Variants in BCL7C observed in about 807,000 individuals in gnomAD.
BCL7C encodes BAF chromatin remodeling complex subunit BCL7C, also known as B-cell CLL/lymphoma 7 protein family member C.
A neutral mutation model predicts 26.2 loss-of-function variants in BCL7C; 8 were observed. That is an observed-to-expected ratio of 0.30 (90% confidence interval 0.18 to 0.55). The LOEUF (loss-of-function observed/expected upper bound fraction) is 0.55. Among genes scored for constraint, BCL7C ranks in the 20% least tolerant of loss-of-function variants. The pLI is 0.93. For synonymous variants in BCL7C, 90 were observed against 116.5 expected (o/e 0.77, Z 1.47); for missense variants, 262 against 298.5 (o/e 0.88, Z 0.90).
chr16:30,893,293 G>C lies in BCL7C; in HGVS notation c.93-3C>G. The C allele has an allele frequency of 6.2e-7, 1 of 1,612,626 alleles. No homozygotes were observed. Among genetic ancestry groups the C allele is most frequent in the Non-Finnish European group, 8.5e-7 (1 of 1,179,098 alleles). On this transcript the variant is annotated splice_region_variant and splice_polypyrimidine_tract_variant and intron_variant, in intron 1 of 5. Transcript: ENST00000215115. This position sits in a 1 kb window ranked among gnomAD's most constrained non-coding sequence, Gnocchi z 5.2. ...CCACAGTCACCCATCGCTTCTCCCT[G>C]TGGGAGGGTGGGGGGCTGGGTCAGA...
At chr16:30,871,173 C>T (rs948103845) in intron 5 of BCL7C, among the ~76,000 whole-genome samples, 3 of 152,172 alleles carry the variant, frequency 2.0e-5, no homozygotes, top group Non-Finnish European at 4.4e-5. Flanking sequence ...GAATCCCCAA[C>T]TCTGCTTCCC....
At chr16:30,868,200 T>G (rs1490976086) in intron 5 of BCL7C, among the ~76,000 whole-genome samples, 1 of 147,604 alleles carries the variant, frequency 6.8e-6, no homozygotes, top group African/African-American at 2.5e-5. Context: ...CGATCTCAGC[T>G]CACTGCAACC....
In BCL7C at chr16:30,888,965, A is replaced by G. The variant is rs528386433; in HGVS notation, c.443-20T>C. 1.2e-6 allele frequency: 2 copies of G among 1,612,052 alleles called. No homozygotes were observed. The highest frequency in any genetic ancestry group is 2.2e-5 in the East Asian group (1 of 44,824). On this transcript the variant is annotated intron_variant, in intron 4 of 5. Coordinates refer to ENST00000215115, the MANE Select transcript of BCL7C (RefSeq NM_004765.4). ...CGGGATCTGGAACGTCAAGGTAACA[A>G]ACATCCCCTGAACAGCCACTCTGTG...
intron 5 of BCL7C, among the ~76,000 whole-genome samples, chr16:30,835,841 G>C (rs1245253601): frequency 6.6e-6 from 1 of 151,400 alleles, no homozygotes; most frequent in Non-Finnish European, 1.5e-5. Context: ...GTGAGACTCC[G>C]TCTGAAGAAA....
At chr16:30,849,849 T>C (rs1461237664) in intron 5 of BCL7C, among the ~76,000 whole-genome samples, 1 of 151,438 alleles carries the variant, frequency 6.6e-6, no homozygotes, top group African/African-American at 2.4e-5. Flanking sequence ...CCACCATGCC[T>C]AGCTAACTTT....
chr16:30,861,141 G>A (rs147464162), intron 5 of BCL7C, among the ~76,000 whole-genome samples: 3,599 of 152,158 alleles, frequency 0.024, 123 homozygotes, highest in African/African-American at 0.082. Flanking sequence ...TCCATGGCCC[G>A]TTTGGCAATA....
At chr16:30,889,262 G>T (rs1417674693) in intron 4 of BCL7C, among the ~76,000 whole-genome samples, 2 of 152,124 alleles carry the variant, frequency 1.3e-5, no homozygotes, top group African/African-American at 4.8e-5. Context: ...ATTTCCATGG[G>T]CCTCAGTTTC....
intron 4 of BCL7C, among the ~76,000 whole-genome samples, chr16:30,892,173 G>A (rs531579964): frequency 3.4e-5 from 5 of 149,166 alleles, no homozygotes; most frequent in South Asian, 2.1e-4. Flanking sequence ...AGGCTGAGGC[G>A]GGAGGATCGC....
At chr16:30,851,882 G>T in intron 5 of BCL7C, 1 of 228,350 alleles carries the variant, frequency 4.4e-6, no homozygotes, top group South Asian at 1.1e-4. Context: ...ATCAAGAAAT[G>T]GTTCGTTGTT....
chr16:30,893,151 G>T lies in BCL7C; in HGVS notation c.171+61C>A. ...GGGAGCTGGAGGTAGAGGTCAGCGTGGGGAGGAACTTGCCTGAGGTTGCAC... is the reference window on the plus strand; with the variant it reads ...GGGAGCTGGAGGTAGAGGTCAGCGTTGGGAGGAACTTGCCTGAGGTTGCAC... On this transcript the variant is annotated intron_variant, in intron 2 of 5. Coordinates refer to ENST00000215115, the MANE Select transcript of BCL7C (RefSeq NM_004765.4). The surrounding 1 kb of genome is among the most constrained non-coding windows in gnomAD (Gnocchi z 5.2). 1.3e-6 allele frequency: 2 copies of T among 1,539,454 alleles called. No homozygotes were observed. The highest frequency in any genetic ancestry group is 3.5e-5 in the Admixed American group (2 of 56,948).
At chr16:30,878,082 CGAGAATGGCTT>C (rs1309126922) in intron 5 of BCL7C, among the ~76,000 whole-genome samples, 2 of 148,804 alleles carry the variant, frequency 1.3e-5, no homozygotes, top group Non-Finnish European at 3.0e-5. Flanking sequence ...GGCTGAGGCA[CGAGAATGGCTT>C]GAACCTGGGA....
chr16:30,857,285 G>A (rs577399404), intron 5 of BCL7C, among the ~76,000 whole-genome samples: 204 of 151,548 alleles, frequency 1.3e-3, no homozygotes, highest in African/African-American at 4.8e-3. Context: ...CTACCCGGGA[G>A]GCTGAGGCAG....
intron 5 of BCL7C, among the ~76,000 whole-genome samples, chr16:30,842,018 C>A (rs1049262780): frequency 6.6e-6 from 1 of 151,674 alleles, no homozygotes; most frequent in African/African-American, 2.4e-5. Flanking sequence ...TGCCCCCTGA[C>A]CCCTTCTTCC....
chr16:30,875,901 T>C (rs2054942567), intron 5 of BCL7C: 1 of 152,252 alleles, frequency 6.6e-6, no homozygotes. Flanking sequence ...CTCCATTTTT[T>C]AGATGCGGCA....
At chr16:30,840,063 C>T (rs1456758682) in intron 5 of BCL7C, among the ~76,000 whole-genome samples, 1 of 151,992 alleles carries the variant, frequency 6.6e-6, no homozygotes, top group East Asian at 1.9e-4. Flanking sequence ...CTGACCTTCC[C>T]CCACCTCCTG....
intron 5 of BCL7C, among the ~76,000 whole-genome samples, chr16:30,860,665 A>T (rs1182048181): frequency 6.6e-6 from 1 of 152,158 alleles, no homozygotes; most frequent in East Asian, 1.9e-4. Context: ...AAATGGGCAA[A>T]TGGTCTGAGG....
chr16:30,868,801 C>T (rs1265103449), intron 5 of BCL7C, among the ~76,000 whole-genome samples: 1 of 151,144 alleles, frequency 6.6e-6, no homozygotes, highest in Non-Finnish European at 1.5e-5. Flanking sequence ...AAACAAAAAA[C>T]AACAGCAACA....
At chr16:30,851,856 C>A in intron 5 of BCL7C, 1 of 252,316 alleles carries the variant, frequency 4.0e-6, no homozygotes, top group South Asian at 9.7e-5. Flanking sequence ...GACTTTTTGT[C>A]ACACATCACA....
chr16:30,844,383 A>C (rs1299310973), intron 5 of BCL7C, among the ~76,000 whole-genome samples: 2 of 151,412 alleles, frequency 1.3e-5, no homozygotes, highest in African/African-American at 4.8e-5. Context: ...AAGGGAAAAA[A>C]CAAACAAACT....
Sources: gnomAD v4.1 joint callset for allele counts (sites outside exome capture counted in the v4.1 genomes callset) on GRCh38, gnomAD v4.1.1 for gene constraint, Gnocchi (gnomAD v3.1) non-coding constraint, MANE v1.5 for transcripts, NCBI Gene and HGNC (gene_info 2026-07-23, HGNC 2026-07-21) for gene names.